Variants in KPNA1 observed in about 807,000 individuals in gnomAD.
The protein encoded by KPNA1 is importin subunit alpha-5.
A neutral mutation model predicts 70.5 loss-of-function variants in KPNA1; 10 were observed. The ratio of observed to expected loss-of-function variants is 0.14; its 90% CI spans 0.09 to 0.24. KPNA1 has a LOEUF of 0.24. KPNA1 is among the 10% of genes least tolerant of loss of function. KPNA1 has a pLI of 1.00. For synonymous variants in KPNA1, 192 were observed against 221.9 expected (o/e 0.87, Z 1.20); for missense variants, 397 against 637.9 (o/e 0.62, Z 4.07).
intron 5 of KPNA1, among the ~76,000 whole-genome samples, chr3:122,454,493 G>T (rs2076244655): frequency 6.6e-6 from 1 of 152,162 alleles, no homozygotes. Context: ...CTTTTCACTG[G>T]AAAGCTTTAT....
rs778285988 is a variant in KPNA1 at position 122,423,559 on chromosome 3, A to G, written c.*3426T>C. On this transcript the variant is annotated 3_prime_UTR_variant, in exon 14 of 14. Transcript: ENST00000344337. ...TATAAAAATTTTCACAAAACTAGCG[A>G]GAAAGAAAAACCCCTTGACTCCAGG... 2.0e-5 allele frequency: 3 copies of G among 152,572 alleles called. No individual in the cohort carries two copies. Among genetic ancestry groups the G allele is most frequent in the Non-Finnish European group, 4.4e-5 (3 of 68,028 alleles). 9.5% of individuals were successfully genotyped at this position (152,572 alleles called of 1,614,324 possible). A position where few individuals can be genotyped will look rare whatever the true frequency, so the allele number is the denominator to read the frequency against.
At chr3:122,432,898 G>A (rs2075931202) in intron 12 of KPNA1, 1 of 152,206 alleles carries the variant, frequency 6.6e-6, no homozygotes, top group Non-Finnish European at 1.5e-5. Context: ...CTGGCCAACA[G>A]GGGAAAACTC....
intron 2 of KPNA1, among the ~76,000 whole-genome samples, chr3:122,491,846 T>A (rs578059061): frequency 1.4e-5 from 2 of 139,146 alleles, no homozygotes; most frequent in African/African-American, 2.6e-5. Context: ...GCTTTGACCA[T>A]CACATTTTTT....
At chr3:122,444,059 C>T (rs1162914317) in intron 9 of KPNA1, among the ~76,000 whole-genome samples, 3 of 152,242 alleles carry the variant, frequency 2.0e-5, no homozygotes, top group Non-Finnish European at 2.9e-5. Flanking sequence ...ACTCCCAGAG[C>T]GGCCATTTTA....
At chr3:122,456,702 TA>T (rs1235103188) in intron 5 of KPNA1, among the ~76,000 whole-genome samples, 2 of 152,138 alleles carry the variant, frequency 1.3e-5, no homozygotes, top group African/African-American at 4.8e-5. Flanking sequence ...AAAAAGAAAT[TA>T]TTACATCTTA....
chr3:122,495,955 C>G (rs540447000), intron 2 of KPNA1, among the ~76,000 whole-genome samples: 3 of 152,116 alleles, frequency 2.0e-5, no homozygotes, highest in Admixed American at 2.0e-4. Context: ...TAAAGACAAA[C>G]ACGAAGCAAG....
Position 122,433,816 on chromosome 3 carries a change from A to G in KPNA1, c.1123-28T>C. 1.3e-6 allele frequency: 2 copies of G among 1,529,878 alleles called. 1 individual carries two copies. The highest frequency in any genetic ancestry group is 2.5e-5 in the South Asian group (2 of 81,464). The allele number at this position is 1,529,878 out of a possible 1,614,324, so 94.8% of individuals were successfully genotyped here. A position where few individuals can be genotyped will look rare whatever the true frequency, so the allele number is the denominator to read the frequency against. ...AAAATTAAAGAAAAACTTAAATGGA[A>G]AAAACTGTGAGATTTATAAAAATAT... On this transcript the variant is annotated intron_variant, in intron 11 of 13. Transcript: ENST00000344337.
intron 3 of KPNA1, among the ~76,000 whole-genome samples, chr3:122,467,014 A>C (rs554891773): frequency 9.2e-5 from 11 of 119,684 alleles, no homozygotes. Context: ...AACATAAATA[A>C]ATAAATAAAT....
At position 122,433,885 on chromosome 3, in the gene KPNA1, AC is replaced by A. The variant is rs11334219; in HGVS notation, c.1123-98del. ...TTTCTAAGCTAGTTTGACTATTAAC[AC>A]CCCTTCTCCTGTCAGAAATAAATTG... On this transcript the variant is annotated intron_variant, in intron 11 of 13. Coordinates refer to ENST00000344337, the MANE Select transcript of KPNA1 (RefSeq NM_002264.4). 1.6e-4 allele frequency: 141 copies of A among 875,594 alleles called. No individual in the cohort carries two copies. The African/African-American group carries it at 2.1e-3, about 13-fold the overall frequency. 54.2% of individuals were successfully genotyped at this position (875,594 alleles called of 1,614,324 possible).
intron 2 of KPNA1, among the ~76,000 whole-genome samples, chr3:122,491,851 T>TA: frequency 6.5e-5 from 1 of 15,452 alleles, no homozygotes; most frequent in Non-Finnish European, 1.9e-4. Context: ...GACCATCACA[T>TA]TTTTTTTTTT....
intron 2 of KPNA1, among the ~76,000 whole-genome samples, chr3:122,470,587 T>C (rs1430800807): frequency 6.6e-6 from 1 of 151,392 alleles, no homozygotes; most frequent in Non-Finnish European, 1.5e-5. Context: ...TTAACAGCAA[T>C]GATACAAGGA....
intron 2 of KPNA1, among the ~76,000 whole-genome samples, chr3:122,482,283 C>A (rs1020523935): frequency 1.3e-5 from 2 of 152,124 alleles, no homozygotes; most frequent in Admixed American, 1.3e-4. Context: ...AGAAAAGGTA[C>A]AGTAAAAATA....
At chr3:122,467,089 TTTA>T (rs1332680732) in intron 3 of KPNA1, among the ~76,000 whole-genome samples, 1 of 146,026 alleles carries the variant, frequency 6.8e-6, no homozygotes, top group African/African-American at 2.4e-5. Context: ...AAAGAGTAAT[TTTA>T]TCTTATAATT....
intron 8 of KPNA1, among the ~76,000 whole-genome samples, chr3:122,450,953 A>C (rs2076194948): frequency 6.6e-6 from 1 of 152,212 alleles, no homozygotes; most frequent in Non-Finnish European, 1.5e-5. Context: ...ATGAGGACGC[A>C]AAAGCGTAAG....
chr3:122,454,900 A>G (rs989250117), intron 5 of KPNA1, among the ~76,000 whole-genome samples: 5 of 152,262 alleles, frequency 3.3e-5, no homozygotes, highest in Non-Finnish European at 5.9e-5. Context: ...ATATATCTCT[A>G]ACACTAACTT....
intron 2 of KPNA1, among the ~76,000 whole-genome samples, chr3:122,474,694 C>T (rs2076478334): frequency 1.3e-5 from 2 of 152,100 alleles, no homozygotes; most frequent in African/African-American, 2.4e-5. Flanking sequence ...CTCAGGGATA[C>T]AAGGATGGTT....
At chr3:122,496,275 TC>T (rs1307899321) in intron 2 of KPNA1, among the ~76,000 whole-genome samples, 161 bp downstream of exon 2, 1 of 145,576 alleles carries the variant, frequency 6.9e-6, no homozygotes, top group Non-Finnish European at 1.5e-5. Flanking sequence ...TACCTCCTCA[TC>T]CCCACTCCAA....
At chr3:122,498,604 A>G (rs2107500668) in intron 1 of KPNA1, among the ~76,000 whole-genome samples, 1 of 152,226 alleles carries the variant, frequency 6.6e-6, no homozygotes, top group South Asian at 2.1e-4. Context: ...TATTCCACTG[A>G]TCTATATGTG....
At chr3:122,427,431 G>T in intron 13 of KPNA1, 107 bp downstream of exon 13, 1 of 1,139,100 alleles carries the variant, frequency 8.8e-7, no homozygotes, top group Non-Finnish European at 1.2e-6. Flanking sequence ...TTTCCTAACA[G>T]TCCTCTTTTC....
Sources: gnomAD v4.1 joint callset for allele counts (sites outside exome capture counted in the v4.1 genomes callset) on GRCh38, gnomAD v4.1.1 for gene constraint, MANE v1.5 for transcripts, NCBI Gene and HGNC (gene_info 2026-07-23, HGNC 2026-07-21) for gene names.